NRXN1: variants seen among roughly 807,000 people sequenced by gnomAD.
The protein encoded by NRXN1 is neurexin 1.
A neutral mutation model predicts 150.9 loss-of-function variants in NRXN1; 39 were observed. The observed-to-expected ratio is 0.26, with a 90% CI of 0.20 to 0.34. The LOEUF (loss-of-function observed/expected upper bound fraction) is 0.34, where lower values mean the gene tolerates loss of function less well. NRXN1 is among the 10% of genes least tolerant of loss of function. NRXN1 has a pLI of 1.00. For missense variants in NRXN1, 1,815 were observed against 1,949.9 expected (o/e 0.93, Z 1.30); for synonymous variants, 924 against 757.0 (o/e 1.22, Z -3.62).
intron 5 of NRXN1, among the ~76,000 whole-genome samples, chr2:50,658,935 T>C (rs1010540337): frequency 6.6e-6 from 1 of 151,982 alleles, no homozygotes; most frequent in Non-Finnish European, 1.5e-5. Flanking sequence ...CTTTTATACT[T>C]TGGGTAGGCA....
At chr2:50,212,772 C>T (rs2063127757) in intron 18 of NRXN1, among the ~76,000 whole-genome samples, 1 of 151,858 alleles carries the variant, frequency 6.6e-6, no homozygotes, top group African/African-American at 2.4e-5. Context: ...CACACAGCCC[C>T]TTTAACCTTT....
At chr2:50,297,660 G>A (rs989967725) in intron 17 of NRXN1, among the ~76,000 whole-genome samples, 12 of 152,186 alleles carry the variant, frequency 7.9e-5, no homozygotes, top group East Asian at 5.8e-4. Flanking sequence ...GAGAAACACC[G>A]GGTGGTAATT....
chr2:50,385,189 G>A (rs1187915132), intron 17 of NRXN1, among the ~76,000 whole-genome samples: 2 of 152,094 alleles, frequency 1.3e-5, no homozygotes, highest in East Asian at 3.9e-4. Context: ...TTTAAAAATG[G>A]GATTGTTTTA....
chr2:50,485,498 T>C (rs998887133), intron 15 of NRXN1, among the ~76,000 whole-genome samples: 4 of 152,156 alleles, frequency 2.6e-5, no homozygotes, highest in Non-Finnish European at 5.9e-5. Context: ...CACTGGAGGA[T>C]GCAGAACTGG....
chr2:50,914,324 C>T (rs1161804159), intron 5 of NRXN1, among the ~76,000 whole-genome samples: 1 of 151,500 alleles, frequency 6.6e-6, no homozygotes, highest in East Asian at 2.0e-4. Flanking sequence ...GCTACATGAC[C>T]ATAAAATATA....
chr2:50,429,213 T>C (rs2084748113), intron 17 of NRXN1, among the ~76,000 whole-genome samples: 1 of 152,082 alleles, frequency 6.6e-6, no homozygotes, highest in African/African-American at 2.4e-5. Flanking sequence ...ATAGAGTGTC[T>C]CTAAAATATG....
At chr2:50,303,462 T>G (rs2152956483) in intron 17 of NRXN1, among the ~76,000 whole-genome samples, 1 of 152,244 alleles carries the variant, frequency 6.6e-6, no homozygotes, top group Admixed American at 6.5e-5. Flanking sequence ...TTCTTTGGCT[T>G]TATAGTCTTT....
intron 17 of NRXN1, among the ~76,000 whole-genome samples, chr2:50,462,348 C>T (rs1483451049): frequency 2.0e-5 from 3 of 151,564 alleles, no homozygotes; most frequent in Non-Finnish European, 4.4e-5. Context: ...AAAAATATTG[C>T]CTCTGGTTAG....
Position 50,496,100 on chromosome 2 carries a change from GA to G in NRXN1, c.2880-6del. ...TCAAACACGTAATGTAAGTACCTGGGAAAAAAATGAAAGAGGGGAAAGTGCC... is the reference window on the plus strand; with the variant it reads ...TCAAACACGTAATGTAAGTACCTGGGAAAAAATGAAAGAGGGGAAAGTGCC... On this transcript the variant is annotated splice_polypyrimidine_tract_variant and splice_region_variant and intron_variant, in intron 14 of 22. Transcript: ENST00000401669. 5 of 1,579,922 alleles carry G rather than the reference GA, an allele frequency of 3.2e-6. No homozygotes were observed. Among genetic ancestry groups the G allele is most frequent in the Admixed American group, 1.9e-5 (1 of 53,924 alleles).
intron 2 of NRXN1, among the ~76,000 whole-genome samples, chr2:50,942,991 T>TG (rs1342670461): frequency 6.6e-6 from 1 of 152,154 alleles, no homozygotes; most frequent in Non-Finnish European, 1.5e-5. Flanking sequence ...GAGTGGCCTG[T>TG]GGGTGGTGAC....
intron 5 of NRXN1, among the ~76,000 whole-genome samples, chr2:50,903,840 T>G (rs79852014): frequency 1.2e-3 from 186 of 152,316 alleles, no homozygotes; most frequent in African/African-American, 4.4e-3. Flanking sequence ...ATAATGAGAT[T>G]TGGAGTGTTC....
At chr2:49,953,683 T>C (rs1159946452) in intron 21 of NRXN1, among the ~76,000 whole-genome samples, 1 of 151,978 alleles carries the variant, frequency 6.6e-6, no homozygotes, top group Non-Finnish European at 1.5e-5. Context: ...TAAATACATA[T>C]ATTTATATAT....
At chr2:50,608,150 A>T (rs1449636822) in intron 8 of NRXN1, among the ~76,000 whole-genome samples, 1 of 152,000 alleles carries the variant, frequency 6.6e-6, no homozygotes, top group Admixed American at 6.6e-5. Context: ...TTTTACATTT[A>T]TTATTTCTAA....
intron 18 of NRXN1, among the ~76,000 whole-genome samples, chr2:50,171,621 G>T (rs2060036844): frequency 6.6e-6 from 1 of 151,990 alleles, no homozygotes; most frequent in Admixed American, 6.6e-5. Context: ...GAAAAGGGGA[G>T]ACAAAATCAA....
At chr2:50,702,370 AAAC>A (rs1693865850) in intron 5 of NRXN1, among the ~76,000 whole-genome samples, 1 of 152,070 alleles carries the variant, frequency 6.6e-6, no homozygotes, top group Non-Finnish European at 1.5e-5. Context: ...AAAAAAAACA[AAAC>A]AAAACCTCAT....
intron 5 of NRXN1, among the ~76,000 whole-genome samples, chr2:50,902,201 C>T (rs1683057970): frequency 6.6e-6 from 1 of 151,890 alleles, no homozygotes; most frequent in East Asian, 1.9e-4. Context: ...TATTCTTTAA[C>T]CAGGGCAAGA....
chr2:50,614,273 G>C (rs1283133631), intron 8 of NRXN1, among the ~76,000 whole-genome samples: 1 of 152,122 alleles, frequency 6.6e-6, no homozygotes, highest in Non-Finnish European at 1.5e-5. Context: ...GCCAACTAAA[G>C]TAGCCCTCCC....
At chr2:50,265,551 G>A (rs2068745149) in intron 17 of NRXN1, among the ~76,000 whole-genome samples, 1 of 152,098 alleles carries the variant, frequency 6.6e-6, no homozygotes, top group African/African-American at 2.4e-5. Flanking sequence ...ACTAGTTCCT[G>A]GACAGAATGC....
chr2:50,021,496 T>C (rs998132502), intron 21 of NRXN1, among the ~76,000 whole-genome samples: 1 of 152,212 alleles, frequency 6.6e-6, no homozygotes, highest in African/African-American at 2.4e-5. Flanking sequence ...GAATATCTCC[T>C]ATGGAATATA....
Sources: allele counts gnomAD v4.1 joint callset (sites outside exome capture counted in the v4.1 genomes callset), GRCh38; gene constraint gnomAD v4.1.1; transcripts MANE v1.5; gene names NCBI Gene and HGNC (gene_info 2026-07-23, HGNC 2026-07-21).